Variants in ALK observed in about 807,000 individuals in gnomAD.
The protein encoded by ALK is ALK receptor tyrosine kinase.
A neutral mutation model predicts 163.1 loss-of-function variants in ALK; 74 were observed. The ratio of observed to expected loss-of-function variants is 0.45; its 90% CI spans 0.38 to 0.55. ALK has a LOEUF of 0.55. Ranked by LOEUF, ALK falls within the 20% of genes least tolerant of loss-of-function variation. The pLI, the probability that ALK is intolerant of heterozygous loss-of-function variation, is 0.00. For missense variants in ALK, 2,063 were observed against 2,105.3 expected, an observed-to-expected ratio of 0.98 and a Z score of 0.39; for synonymous variants, 960 against 843.2, an observed-to-expected ratio of 1.14 and a Z score of -2.40.
chr2:29,240,412 C>T (rs1299690687), intron 12 of ALK, among the ~76,000 whole-genome samples: 2 of 152,110 alleles, frequency 1.3e-5, no homozygotes, highest in Non-Finnish European at 2.9e-5. Flanking sequence ...TTGTGGCTGA[C>T]ATGTAATAAG....
At chr2:29,710,738 C>T (rs556983031) in intron 2 of ALK, among the ~76,000 whole-genome samples, 2 of 152,292 alleles carry the variant, frequency 1.3e-5, no homozygotes, top group African/African-American at 2.4e-5. Flanking sequence ...TCTTGAGCTC[C>T]TGACCTCAGG....
At chr2:29,818,412 A>G (rs1449144957) in intron 1 of ALK, among the ~76,000 whole-genome samples, 1 of 152,222 alleles carries the variant, frequency 6.6e-6, no homozygotes, top group Non-Finnish European at 1.5e-5. Flanking sequence ...GGCCAAATTT[A>G]GGCATAATGA....
Position 29,247,931 on chromosome 2 carries a change from T to C in ALK, c.2204+3174A>G, listed in dbSNP as rs558910877. Among the ~76,000 whole-genome samples the C allele has an allele frequency of 6.6e-5, 10 of 152,282 alleles. No homozygotes were observed. The South Asian group carries it at 1.9e-3, about 28-fold the overall frequency. On this transcript the variant is annotated intron_variant, in intron 12 of 28. Coordinates refer to ENST00000389048, the MANE Select transcript of ALK (RefSeq NM_004304.5). ...CAACAGATGAACTGCACTTATTAAATAGTAATAATTACTATGGAGAAAAAG... is the reference window on the plus strand; with the variant it reads ...CAACAGATGAACTGCACTTATTAAACAGTAATAATTACTATGGAGAAAAAG...
At chr2:29,564,449 C>CGT (rs1674119778) in intron 3 of ALK, among the ~76,000 whole-genome samples, 1 of 151,586 alleles carries the variant, frequency 6.6e-6, no homozygotes, top group Admixed American at 6.6e-5. Flanking sequence ...CCACCCCCAC[C>CGT]GCCACCCTTG....
At chr2:29,722,385 T>C (rs1391339036) in intron 1 of ALK, among the ~76,000 whole-genome samples, 1 of 152,222 alleles carries the variant, frequency 6.6e-6, no homozygotes, top group East Asian at 1.9e-4. Context: ...ACCTATGCAT[T>C]CATTCATTCT....
At chr2:29,348,351 C>T (rs1180771599) in intron 5 of ALK, among the ~76,000 whole-genome samples, 1 of 152,166 alleles carries the variant, frequency 6.6e-6, no homozygotes, top group Non-Finnish European at 1.5e-5. Flanking sequence ...AGCACAATTA[C>T]CATAATAATA....
intron 13 of ALK, among the ~76,000 whole-genome samples, chr2:29,235,510 G>A (rs1039534419): frequency 2.0e-5 from 3 of 152,104 alleles, no homozygotes; most frequent in Non-Finnish European, 2.9e-5. Context: ...GTAGAGAGCT[G>A]GCATTTCCCA....
intron 6 of ALK, among the ~76,000 whole-genome samples, chr2:29,326,247 T>C (rs1199123975): frequency 7.9e-5 from 12 of 151,778 alleles, no homozygotes; most frequent in Non-Finnish European, 1.6e-4. Context: ...AGCTTTGGAG[T>C]GGTGGGAAAT....
At chr2:29,585,834 T>C (rs1193890381) in intron 3 of ALK, among the ~76,000 whole-genome samples, 1 of 152,126 alleles carries the variant, frequency 6.6e-6, no homozygotes, top group African/African-American at 2.4e-5. Flanking sequence ...AAAATCTTTC[T>C]AGAAATTTTT....
At chr2:29,562,370 T>G (rs1344556604) in intron 3 of ALK, among the ~76,000 whole-genome samples, 2 of 151,920 alleles carry the variant, frequency 1.3e-5, no homozygotes, top group Non-Finnish European at 2.9e-5. Flanking sequence ...CTCTACTCTT[T>G]TCTACACTAT....
intron 4 of ALK, among the ~76,000 whole-genome samples, chr2:29,531,062 A>G (rs1408608542): frequency 6.6e-6 from 1 of 152,204 alleles, no homozygotes; most frequent in African/African-American, 2.4e-5. Context: ...GGGATGGACA[A>G]TGGGTAACAG....
At chr2:29,563,791 A>C (rs1253247040) in intron 3 of ALK, among the ~76,000 whole-genome samples, 2 of 152,248 alleles carry the variant, frequency 1.3e-5, no homozygotes, top group Non-Finnish European at 2.9e-5. Flanking sequence ...GGATGAGAAT[A>C]GTCCCTTCCT....
chr2:29,511,879 G>A (rs188460988), intron 4 of ALK, among the ~76,000 whole-genome samples: 220 of 152,126 alleles, frequency 1.4e-3, no homozygotes, highest in Non-Finnish European at 2.7e-3. Flanking sequence ...CTTTTCATAT[G>A]TTTCATGGCC....
chr2:29,363,431 T>A (rs989847761), intron 5 of ALK, among the ~76,000 whole-genome samples: 1 of 152,292 alleles, frequency 6.6e-6, no homozygotes, highest in Middle Eastern at 3.4e-3. Context: ...GAGGTCTGTC[T>A]CCTGACTTGA....
At chr2:29,566,379 C>T (rs922578367) in intron 3 of ALK, among the ~76,000 whole-genome samples, 1 of 152,256 alleles carries the variant, frequency 6.6e-6, no homozygotes, top group Non-Finnish European at 1.5e-5. Flanking sequence ...TGCTGCACCC[C>T]AAAACAAGAA....
At chr2:29,596,511 G>A (rs1675220197) in intron 3 of ALK, among the ~76,000 whole-genome samples, 1 of 152,170 alleles carries the variant, frequency 6.6e-6, no homozygotes, top group African/African-American at 2.4e-5. Context: ...GGTGAGGAGA[G>A]TAAAGACACC....
At chr2:29,432,199 G>A (rs1670288182) in intron 4 of ALK, among the ~76,000 whole-genome samples, 1 of 152,154 alleles carries the variant, frequency 6.6e-6, no homozygotes, top group African/African-American at 2.4e-5. Flanking sequence ...CAATGTTGGA[G>A]GTGGTCGTAG....
chr2:29,736,299 G>A (rs768573055), intron 1 of ALK, among the ~76,000 whole-genome samples: 3 of 151,884 alleles, frequency 2.0e-5, no homozygotes, highest in Non-Finnish European at 4.4e-5. Flanking sequence ...AACAGTAATT[G>A]CCTTTCAATG....
intron 4 of ALK, among the ~76,000 whole-genome samples, chr2:29,444,958 G>A (rs1182013695): frequency 6.6e-6 from 1 of 152,144 alleles, no homozygotes; most frequent in East Asian, 1.9e-4. Flanking sequence ...GGTTACAGGT[G>A]CGTGACTGAA....
Sources: gnomAD v4.1 joint callset for allele counts (sites outside exome capture counted in the v4.1 genomes callset) on GRCh38, gnomAD v4.1.1 for gene constraint, MANE v1.5 for transcripts, NCBI Gene and HGNC (gene_info 2026-07-23, HGNC 2026-07-21) for gene names.